The following COL4A4 variants were observed in gnomAD, a reference collection of about 807,000 sequenced individuals.
COL4A4 encodes collagen type IV alpha 4 chain, also known as collagen alpha-4(IV) chain.
In COL4A4, 105 loss-of-function variants were observed where a neutral mutation model predicts 192.9. The ratio of observed to expected loss-of-function variants is 0.54; its 90% confidence interval spans 0.46 to 0.64. The LOEUF is 0.64. Ranked by LOEUF, COL4A4 falls within the 30% of genes least tolerant of loss-of-function variation. COL4A4 has a pLI of 0.00. For missense variants in COL4A4, 1,967 were observed against 2,169.3 expected, an observed-to-expected ratio of 0.91 and a Z score of 1.85; for synonymous variants, 762 against 769.9, an observed-to-expected ratio of 0.99 and a Z score of 0.17.
chr2:227,144,858 A>T (rs955936677), intron 2 of COL4A4, among the ~76,000 whole-genome samples: 1 of 152,180 alleles, frequency 6.6e-6, no homozygotes, highest in African/African-American at 2.4e-5. Context: ...GAGTGAAAGA[A>T]GATGATTCTC....
At chr2:227,038,450 T>C (rs964522477) in intron 37 of COL4A4, among the ~76,000 whole-genome samples, 3 of 152,222 alleles carry the variant, frequency 2.0e-5, no homozygotes, top group African/African-American at 7.2e-5. Flanking sequence ...ACCAGTACCA[T>C]GCTGTTATGG....
chr2:227,083,270 T>C (rs944846389), intron 22 of COL4A4, among the ~76,000 whole-genome samples: 1 of 151,922 alleles, frequency 6.6e-6, no homozygotes, highest in Non-Finnish European at 1.5e-5. Context: ...TATATTAGGG[T>C]GGCCAAGCAC....
chr2:227,103,313 T>A, intron 13 of COL4A4, 116 bp from the exon 14 acceptor site: 1 of 810,228 alleles, frequency 1.2e-6, no homozygotes, highest in Non-Finnish European at 2.0e-6. Flanking sequence ...AAAAAAATCT[T>A]AAGAGATTAC....
chr2:227,042,222 G>T lies in COL4A4; in HGVS notation c.3431C>A (p.Pro1144Gln). The T allele has an allele frequency of 6.2e-7, 1 of 1,613,674 alleles. No homozygotes were observed. The highest frequency in any genetic ancestry group is 8.5e-7 in the Non-Finnish European group (1 of 1,179,588). ...TGGCCCAGGGTCTCCCATTTCTCCT[G>T]GCTGTCCCCTCAGCCCAGGCATCCC... is the stretch of plus-strand genomic sequence containing the variant. ...DHGMPGLRGQ[P>Q]GEMGDPGPRG... The change falls in exon 37 of 48, where the codon CCA becomes CAA. Residue 1144 changes from proline to glutamine, a missense_variant. Coordinates refer to ENST00000396625, the MANE Select transcript of COL4A4 (RefSeq NM_000092.5).
intron 1 of COL4A4, among the ~76,000 whole-genome samples, chr2:227,156,228 A>G (rs1193942652): frequency 6.6e-6 from 1 of 151,946 alleles, no homozygotes; most frequent in Non-Finnish European, 1.5e-5. Flanking sequence ...ATGAAACCAC[A>G]TCTCTACAAA....
intron 4 of COL4A4, among the ~76,000 whole-genome samples, chr2:227,131,550 T>A (rs2062468218): frequency 6.6e-6 from 1 of 152,212 alleles, no homozygotes; most frequent in Admixed American, 6.5e-5. Flanking sequence ...TCAAACATGC[T>A]AGCCTGTCTC....
intron 4 of COL4A4, among the ~76,000 whole-genome samples, chr2:227,132,871 G>T (rs940777747): frequency 6.6e-6 from 1 of 152,188 alleles, no homozygotes; most frequent in Non-Finnish European, 1.5e-5. Context: ...ATTGAATATG[G>T]TTGTTTGAAA....
intron 37 of COL4A4, among the ~76,000 whole-genome samples, chr2:227,038,239 T>G (rs1970080189): frequency 6.6e-6 from 1 of 152,244 alleles, no homozygotes; most frequent in Non-Finnish European, 1.5e-5. Context: ...GAGTTAATTT[T>G]TGTATAAGGT....
At chr2:227,164,307 C>T (rs2065110197), upstream of COL4A4, 1 of 287,770 alleles carries the variant, frequency 3.5e-6, no homozygotes, top group Non-Finnish European at 6.6e-6. The surrounding 1 kb of genome is among the most constrained non-coding windows in gnomAD (Gnocchi z 4.8). Flanking sequence ...CTCCCCACCG[C>T]ACACCCCCAA....
chr2:227,046,030 GTATACATA>G (rs915012662), intron 35 of COL4A4, among the ~76,000 whole-genome samples: 9 of 46,900 alleles, frequency 1.9e-4, no homozygotes, highest in Admixed American at 4.1e-4. Flanking sequence ...ATGTATATAT[GTATACATA>G]TATACATATA....
the COL4A4 span, among the ~76,000 whole-genome samples, chr2:226,974,296 G>A: frequency 2.6e-5 from 4 of 151,974 alleles, no homozygotes; most frequent in Admixed American, 6.6e-5. Context: ...GGAGTGCAGT[G>A]GTGTGATCTC....
At chr2:227,031,572 A>G (rs1052401016) in intron 40 of COL4A4, among the ~76,000 whole-genome samples, 4 of 152,164 alleles carry the variant, frequency 2.6e-5, no homozygotes, top group African/African-American at 7.2e-5. Context: ...GGCTAGTGCC[A>G]GTGGTTTATG....
chr2:226,973,479 C>T, the COL4A4 span, among the ~76,000 whole-genome samples: 1 of 152,210 alleles, frequency 6.6e-6, no homozygotes, highest in East Asian at 1.9e-4. Context: ...TACCCAACTG[C>T]CCCCATTCTA....
At chr2:227,007,982 T>C (rs1316040825) in intron 47 of COL4A4, 36 bp downstream of exon 47, 1 of 1,599,294 alleles carries the variant, frequency 6.3e-7, no homozygotes, top group Non-Finnish European at 8.5e-7. Context: ...TAGGAAATGG[T>C]GAATGAGCCA....
intron 7 of COL4A4, among the ~76,000 whole-genome samples, chr2:227,116,197 T>TCAGG (rs1286059032): frequency 6.6e-6 from 1 of 152,176 alleles, no homozygotes; most frequent in Non-Finnish European, 1.5e-5. Context: ...GGAAACAAAA[T>TCAGG]CAGGGGTCTG....
In COL4A4 at chr2:227,057,616, A is replaced by T; in HGVS notation, c.2384-16T>A. 6.2e-7 allele frequency: 1 copy of T among 1,613,662 alleles called. No individual in the cohort carries two copies. The highest frequency in any genetic ancestry group is 1.1e-5 in the South Asian group (1 of 90,980). On this transcript the variant is annotated splice_polypyrimidine_tract_variant and intron_variant, in intron 28 of 47. Transcript: ENST00000396625. ...CCAGCTGGCCCTGAAATGATACAAT[A>T]CATCCATGACATTCATGACAAAAAA...
intron 18 of COL4A4, 143 bp downstream of exon 18, chr2:227,099,477 A>G (rs2150747780): frequency 1.4e-6 from 1 of 738,210 alleles, no homozygotes; most frequent in Admixed American, 2.0e-5. Context: ...ATGCACATGT[A>G]TAATTATACA....
intron 39 of COL4A4, 26 bp downstream of exon 39, chr2:227,032,122 G>A: frequency 3.7e-6 from 6 of 1,614,202 alleles, no homozygotes; most frequent in Non-Finnish European, 5.1e-6. Flanking sequence ...GTTATTGAAA[G>A]AAGGGCAAAG....
rs1425859536 is a variant in COL4A4, at chr2:227,056,041, G to T, written c.2620C>A (p.Leu874Ile). Residue 874 changes from leucine to isoleucine, a missense_variant, in exon 30 of 48, where the codon CTC (leucine) becomes ATC (isoleucine). Physicochemically the swap from Leu to Ile is conservative, Grantham distance 5. Coordinates refer to ENST00000396625, the MANE Select transcript of COL4A4 (RefSeq NM_000092.5). ...CCATGTGCCCCAGGCCGTCCTGGGA[G>T]TCCGGGGAGGCCTTTCATTCCAGCT... ...GPAGMKGLPG[L>I]PGRPGAHGPP... is the part of the protein sequence containing the mutation. 6.8e-6 allele frequency: 11 copies of T among 1,613,854 alleles called. No individual in the cohort carries two copies. The highest frequency in any genetic ancestry group is 9.3e-6 in the Non-Finnish European group (11 of 1,179,934).
Sources: gnomAD v4.1 joint callset for allele counts (sites outside exome capture counted in the v4.1 genomes callset) on GRCh38, gnomAD v4.1.1 for gene constraint, Gnocchi (gnomAD v3.1) non-coding constraint, MANE v1.5 for transcripts, NCBI Gene and HGNC (gene_info 2026-07-23, HGNC 2026-07-21) for gene names.